NPY: variants seen among roughly 807,000 people sequenced by gnomAD.
NPY encodes pro-neuropeptide Y.
NPY carries 11 observed loss-of-function variants against 13.2 expected under a neutral mutation model. The observed-to-expected ratio is 0.83, with a 90% confidence interval of 0.52 to 1.38. The LOEUF is 1.38. Ranked by LOEUF, NPY falls within the 40% of genes most tolerant of loss-of-function variation. The probability of loss-of-function intolerance (pLI) is 0.00; values close to 1 mark genes in which losing one functional copy is unlikely to be tolerated. For synonymous variants in NPY, 51 were observed against 55.6 expected (o/e 0.92, Z 0.37); for missense variants, 109 against 125.1 (o/e 0.87, Z 0.61).
At chr7:24,290,312 C>T (rs1358840174) in intron 3 of NPY, among the ~76,000 whole-genome samples, 1 of 152,106 alleles carries the variant, frequency 6.6e-6, no homozygotes, top group Non-Finnish European at 1.5e-5. Context: ...ATCTTCATAA[C>T]CTCCTGACTC....
At chr7:24,287,219 G>T (rs896256676) in intron 2 of NPY, among the ~76,000 whole-genome samples, 17 of 152,162 alleles carry the variant, frequency 1.1e-4, no homozygotes, top group African/African-American at 3.9e-4. Flanking sequence ...CATGGCAAGA[G>T]ATTCAGCTTA....
In NPY at chr7:24,291,735, T is replaced by C. The variant is rs754314581; in HGVS notation, c.*48T>C. On this transcript the variant is annotated 3_prime_UTR_variant, in exon 4 of 4. Coordinates refer to ENST00000242152, the MANE Select transcript of NPY (RefSeq NM_000905.4). ...GGCCTTTTCCTATTTTCAGCCCATA[T>C]TTCATCGTGTAAAACGAGAATCCAC... 1.9e-6 allele frequency: 3 copies of C among 1,611,518 alleles called. No individual in the cohort carries two copies. The highest frequency in any genetic ancestry group is 2.5e-6 in the Non-Finnish European group (3 of 1,177,902).
chr7:24,290,860 G>A lies in NPY; in HGVS notation c.270-803G>A, dbSNP rs977278461. On this transcript the variant is annotated intron_variant, in intron 3 of 3. Coordinates refer to ENST00000242152, the MANE Select transcript of NPY (RefSeq NM_000905.4). The stretch of plus-strand genomic sequence containing the variant: ...TGCAATCAAAGATCACTGCAGCCTC[G>A]AGCTCCCAGCCTCAAGAGATCCTCC... Among the ~76,000 whole-genome samples the A allele has an allele frequency of 3.3e-5, 5 of 150,800 alleles. No individual in the cohort carries two copies. In the South Asian group the frequency reaches 8.4e-4, roughly 25 times the overall value.
intron 2 of NPY, among the ~76,000 whole-genome samples, chr7:24,289,036 T>C (rs1787497291): frequency 2.0e-5 from 3 of 152,176 alleles, no homozygotes; most frequent in African/African-American, 7.2e-5. Flanking sequence ...ATTTTTTTTT[T>C]CTAGGACTGT....
chr7:24,288,058 G>T (rs3025118), intron 2 of NPY, among the ~76,000 whole-genome samples: 6,967 of 152,266 alleles, frequency 0.046, 194 homozygotes, highest in African/African-American at 0.065. Flanking sequence ...AGGAAGAAGA[G>T]TGAACAGTAC....
chr7:24,287,789 A>G (rs1787446144), intron 2 of NPY, among the ~76,000 whole-genome samples: 1 of 152,200 alleles, frequency 6.6e-6, no homozygotes, highest in Non-Finnish European at 1.5e-5. Context: ...AGAGAAACTC[A>G]GCCTTAGATT....
At chr7:24,288,891 T>G (rs540800488) in intron 2 of NPY, among the ~76,000 whole-genome samples, 1 of 152,276 alleles carries the variant, frequency 6.6e-6, no homozygotes, top group South Asian at 2.1e-4. Flanking sequence ...GTGTATCACT[T>G]TGTCACTTTG....
At position 24,285,523 on chromosome 7, in the gene NPY, C is replaced by G; in HGVS notation, c.188+95C>G. On this transcript the variant is annotated intron_variant, in intron 2 of 3. Coordinates refer to ENST00000242152, the MANE Select transcript of NPY (RefSeq NM_000905.4). The surrounding 1 kb of genome is among the most constrained non-coding windows in gnomAD (Gnocchi z 4.9). ...GGGAAAGGGATTGTTTCTTTTCCTTCGCTCTATCCCAGGGCAGGACAGTAT... is the reference window on the plus strand; with the variant it reads ...GGGAAAGGGATTGTTTCTTTTCCTTGGCTCTATCCCAGGGCAGGACAGTAT... 7.7e-7 allele frequency: 1 copy of G among 1,292,998 alleles called. No individual in the cohort carries two copies. The highest frequency in any genetic ancestry group is 1.1e-6 in the Non-Finnish European group (1 of 933,730). The allele number at this position is 1,292,998 out of a possible 1,614,324, so 80.1% of individuals were successfully genotyped here.
chr7:24,286,255 CATTGACA>C (rs1787373118), intron 2 of NPY, among the ~76,000 whole-genome samples: 1 of 152,184 alleles, frequency 6.6e-6, no homozygotes, highest in Admixed American at 6.5e-5. Flanking sequence ...TCACTCTCAA[CATTGACA>C]ATTAAGGGAA....
At chr7:24,291,604 C>T (rs1787613435) in intron 3 of NPY, 59 bp from the exon 4 acceptor site, 1 of 1,602,018 alleles carries the variant, frequency 6.2e-7, no homozygotes, top group African/African-American at 1.3e-5. Context: ...CTCACCCTTG[C>T]TCATACCTCA....
Position 24,285,445 on chromosome 7 carries a change from G to A in NPY, c.188+17G>A. Reference sequence around the variant, plus strand: ...CAGGCAGAGGTGGGTGGGACCGCGGGACCGATTCCGGGAGCGCCAGTGCCT... The same window carrying A: ...CAGGCAGAGGTGGGTGGGACCGCGGAACCGATTCCGGGAGCGCCAGTGCCT... On this transcript the variant is annotated intron_variant, in intron 2 of 3. Transcript: ENST00000242152. This position sits in a 1 kb window ranked among gnomAD's most constrained non-coding sequence, Gnocchi z 4.9. The A allele has an allele frequency of 2.5e-6, 4 of 1,604,762 alleles. No individual in the cohort carries two copies. Among genetic ancestry groups the A allele is most frequent in the Non-Finnish European group, 3.4e-6 (4 of 1,173,396 alleles).
chr7:24,285,482 G>T lies in NPY; in HGVS notation c.188+54G>T. Reference sequence around the variant, plus strand: ...GAGCGCCAGTGCCTGCACACCAGGAGATCCTGGGGATGTTAGGGAAAGGGA... The same window carrying T: ...GAGCGCCAGTGCCTGCACACCAGGATATCCTGGGGATGTTAGGGAAAGGGA... On this transcript the variant is annotated intron_variant, in intron 2 of 3. Coordinates refer to ENST00000242152, the MANE Select transcript of NPY (RefSeq NM_000905.4). This position sits in a 1 kb window ranked among gnomAD's most constrained non-coding sequence, Gnocchi z 4.9. 1.3e-6 allele frequency: 2 copies of T among 1,537,942 alleles called. No individual in the cohort carries two copies. The highest frequency in any genetic ancestry group is 1.8e-6 in the Non-Finnish European group (2 of 1,122,492).
At chr7:24,289,658 G>A (rs1787529344) in intron 3 of NPY, 79 bp downstream of exon 3, 1 of 1,079,216 alleles carries the variant, frequency 9.3e-7, no homozygotes, top group Non-Finnish European at 1.4e-6. Context: ...CAGGTGCCTG[G>A]TGGGAGGCAC....
In NPY at chr7:24,285,297, C is replaced by T. The variant is rs1308579649; in HGVS notation, c.57C>T (p.Leu19=). 1.9e-6 allele frequency: 3 copies of T among 1,614,092 alleles called. No homozygotes were observed. Among genetic ancestry groups the T allele is most frequent in the Non-Finnish European group, 1.7e-6 (2 of 1,180,004 alleles). The change falls in exon 2 of 4, where the codon CTC becomes CTT. Residue 19 remains leucine, a synonymous_variant. Transcript: ENST00000242152. This position sits in a 1 kb window ranked among gnomAD's most constrained non-coding sequence, Gnocchi z 4.9. The stretch of plus-strand genomic sequence containing the variant: ...GACTGACCCTCGCCCTGTCCCTGCT[C>T]GTGTGCCTGGGTGCGCTGGCCGAGG... ...LSGLTLALSL[L]VCLGALAEAY...
Position 24,291,729 on chromosome 7 carries a change from C to G in NPY, c.*42C>G. ...CTCTCTGGCCTTTTCCTATTTTCAG[C>G]CCATATTTCATCGTGTAAAACGAGA... On this transcript the variant is annotated 3_prime_UTR_variant, in exon 4 of 4. Transcript: ENST00000242152. 1 of 1,612,254 alleles carries G rather than the reference C, an allele frequency of 6.2e-7. No homozygotes were observed. Among genetic ancestry groups the G allele is most frequent in the Non-Finnish European group, 8.5e-7 (1 of 1,178,408 alleles).
At chr7:24,288,573 G>C (rs888924847) in intron 2 of NPY, among the ~76,000 whole-genome samples, 2 of 150,552 alleles carry the variant, frequency 1.3e-5, no homozygotes, top group African/African-American at 4.9e-5. Context: ...ACGCAATTTG[G>C]TATAGACTTG....
intron 2 of NPY, among the ~76,000 whole-genome samples, chr7:24,288,715 T>G (rs899103542): frequency 6.7e-5 from 10 of 148,864 alleles, no homozygotes; most frequent in African/African-American, 2.2e-4. Flanking sequence ...AAAAAGAACA[T>G]TTCCATGGAT....
chr7:24,285,148 C>CAGGAGG lies in NPY; in HGVS notation c.1-87_1-82dup. 1 of 1,318,012 alleles carries CAGGAGG rather than the reference C, an allele frequency of 7.6e-7. No individual in the cohort carries two copies. The highest frequency in any genetic ancestry group is 1.3e-5 in the South Asian group (1 of 79,048). 81.6% of individuals were successfully genotyped at this position (1,318,012 alleles called of 1,614,324 possible). The stretch of plus-strand genomic sequence containing the variant: ...GCGGATTGGGGGTCGCGTGTGGTAG[C>CAGGAGG]AGGAGGAGGAGCGCGGGGGGCAGAG... On this transcript the variant is annotated intron_variant, in intron 1 of 3. Coordinates refer to ENST00000242152, the MANE Select transcript of NPY (RefSeq NM_000905.4). The surrounding 1 kb of genome is among the most constrained non-coding windows in gnomAD (Gnocchi z 4.9).
chr7:24,285,118 C>T lies in NPY; in HGVS notation c.1-123C>T, dbSNP rs959626690. 9.8e-7 allele frequency: 1 copy of T among 1,021,936 alleles called. No individual in the cohort carries two copies. The highest frequency in any genetic ancestry group is 1.4e-5 in the South Asian group (1 of 69,892). 63.3% of individuals were successfully genotyped at this position (1,021,936 alleles called of 1,614,324 possible). ...CTGGGTTCTCTCTGCGGGACTGGGA[C>T]GAGAGCGGATTGGGGGTCGCGTGTG... is the stretch of plus-strand genomic sequence containing the variant. On this transcript the variant is annotated intron_variant, in intron 1 of 3. Transcript: ENST00000242152. This position sits in a 1 kb window ranked among gnomAD's most constrained non-coding sequence, Gnocchi z 4.9.
Sources: gnomAD v4.1 joint callset for allele counts (sites outside exome capture counted in the v4.1 genomes callset) on GRCh38, gnomAD v4.1.1 for gene constraint, Gnocchi (gnomAD v3.1) non-coding constraint, MANE v1.5 for transcripts, NCBI Gene and HGNC (gene_info 2026-07-23, HGNC 2026-07-21) for gene names.